The following NFIB variants were observed in gnomAD, a reference collection of about 807,000 sequenced individuals.
The protein encoded by NFIB is nuclear factor 1 B-type.
Under a neutral mutation model 61.5 loss-of-function variants are expected in NFIB, and 11 were observed. That is an observed-to-expected ratio of 0.18 (90% confidence interval 0.11 to 0.30). The LOEUF is 0.30. NFIB is among the 10% of genes least tolerant of loss of function. The pLI is 1.00. For synonymous variants in NFIB, 260 were observed against 216.5 expected, an observed-to-expected ratio of 1.20 and a Z score of -1.76; for missense variants, 471 against 608.9, an observed-to-expected ratio of 0.77 and a Z score of 2.38.
intron 2 of NFIB, among the ~76,000 whole-genome samples, chr9:14,278,783 C>T (rs1019964593): frequency 7.2e-5 from 11 of 152,152 alleles, no homozygotes; most frequent in African/African-American, 2.7e-4. Context: ...AAAATAATTC[C>T]AGTCAGAGCA....
chr9:14,188,462 T>C (rs1026450337), intron 2 of NFIB, among the ~76,000 whole-genome samples: 2 of 152,216 alleles, frequency 1.3e-5, no homozygotes, highest in Non-Finnish European at 1.5e-5. Flanking sequence ...GAAATAGCTC[T>C]CGCACTAGAG....
intron 2 of NFIB, among the ~76,000 whole-genome samples, chr9:14,298,943 C>G (rs2132628397): frequency 6.6e-6 from 1 of 152,290 alleles, no homozygotes; most frequent in African/African-American, 2.4e-5. Flanking sequence ...TGAGACCGAC[C>G]TCATAAAACA....
chr9:14,304,263 G>A (rs1005707014), intron 2 of NFIB, among the ~76,000 whole-genome samples: 4 of 152,156 alleles, frequency 2.6e-5, no homozygotes, highest in Non-Finnish European at 4.4e-5. Context: ...TGAACCAAAA[G>A]AGAAAGAGGG....
chr9:14,356,746 A>G (rs1588361553), intron 1 of NFIB, among the ~76,000 whole-genome samples: 1 of 152,230 alleles, frequency 6.6e-6, no homozygotes, highest in Admixed American at 6.5e-5. Context: ...GGTGATCCTG[A>G]GCACTTAATT....
chr9:14,529,487 G>C, the NFIB span, among the ~76,000 whole-genome samples: 1 of 152,120 alleles, frequency 6.6e-6, no homozygotes, highest in African/African-American at 2.4e-5. Context: ...GAGTTTGTAA[G>C]AACCTTAAAA....
chr9:14,471,256 G>A, the NFIB span, among the ~76,000 whole-genome samples: 5 of 152,162 alleles, frequency 3.3e-5, no homozygotes, highest in African/African-American at 9.7e-5. Flanking sequence ...CTGATGTTAC[G>A]CATGTAGGAC....
chr9:14,232,309 G>C (rs1302313661), intron 2 of NFIB, among the ~76,000 whole-genome samples: 2 of 152,074 alleles, frequency 1.3e-5, no homozygotes, highest in Admixed American at 1.3e-4. Flanking sequence ...ATCTGCTTAG[G>C]GATTACGACC....
intron 3 of NFIB, among the ~76,000 whole-genome samples, chr9:14,179,109 G>A (rs959104400): frequency 1.3e-5 from 2 of 151,960 alleles, no homozygotes; most frequent in African/African-American, 4.8e-5. Flanking sequence ...AATGTTGTAT[G>A]TTCAGAGCTA....
chr9:14,490,679 G>A, the NFIB span, among the ~76,000 whole-genome samples: 1 of 152,144 alleles, frequency 6.6e-6, no homozygotes, highest in Non-Finnish European at 1.5e-5. Flanking sequence ...TGTGAAGGTT[G>A]AATATACATA....
intron 2 of NFIB, among the ~76,000 whole-genome samples, chr9:14,239,430 A>G (rs544166857): frequency 1.4e-3 from 214 of 152,344 alleles, no homozygotes; most frequent in Non-Finnish European, 2.5e-3. Flanking sequence ...CCTTCAGGAA[A>G]AAGTGCAGGA....
At chr9:14,438,957 C>T in the NFIB span, among the ~76,000 whole-genome samples, 1 of 151,992 alleles carries the variant, frequency 6.6e-6, no homozygotes, top group Non-Finnish European at 1.5e-5. Flanking sequence ...TTTTCTCTTA[C>T]CATCACATTA....
the NFIB span, among the ~76,000 whole-genome samples, chr9:14,517,981 T>C: frequency 0.24 from 36,309 of 152,170 alleles, 4,694 homozygotes; most frequent in East Asian, 0.4. Context: ...AAAAGACTTA[T>C]TGCATTGTCT....
the NFIB span, among the ~76,000 whole-genome samples, chr9:14,468,659 C>G: frequency 6.6e-6 from 1 of 152,174 alleles, no homozygotes; most frequent in African/African-American, 2.4e-5. Flanking sequence ...AAGATGCTGG[C>G]AGGAACTGGA....
At chr9:14,444,470 A>T in the NFIB span, among the ~76,000 whole-genome samples, 1 of 152,242 alleles carries the variant, frequency 6.6e-6, no homozygotes. Context: ...AGTCATAAGC[A>T]TAATGGTAAT....
intron 10 of NFIB, among the ~76,000 whole-genome samples, chr9:14,110,265 T>C (rs541654558): frequency 4.6e-5 from 7 of 152,178 alleles, no homozygotes; most frequent in African/African-American, 1.7e-4. Flanking sequence ...TAAAGTTCTT[T>C]TCTAAGAAAA....
intron 5 of NFIB, among the ~76,000 whole-genome samples, chr9:14,148,503 C>G (rs536599209): frequency 6.6e-6 from 1 of 152,200 alleles, no homozygotes; most frequent in East Asian, 1.9e-4. Context: ...CTTTTCGCAG[C>G]AATAATAACC....
At chr9:14,447,699 G>A in the NFIB span, among the ~76,000 whole-genome samples, 2 of 152,140 alleles carry the variant, frequency 1.3e-5, no homozygotes, top group Non-Finnish European at 1.5e-5. Flanking sequence ...CTTTTATTCT[G>A]AGAGTATAAT....
At chr9:14,154,016 A>C (rs572587278) in intron 4 of NFIB, among the ~76,000 whole-genome samples, 4 of 152,300 alleles carry the variant, frequency 2.6e-5, no homozygotes, top group African/African-American at 7.2e-5. Context: ...AAATAACCTA[A>C]AAGTTTCTAG....
At chr9:14,102,402 G>A in intron 10 of NFIB, 2 of 1,538,004 alleles carry the variant, frequency 1.3e-6, no homozygotes, top group Non-Finnish European at 1.8e-6. Flanking sequence ...GTGTAGGGTT[G>A]GAAATAATTA....
Sources: gnomAD v4.1 joint callset for allele counts (sites outside exome capture counted in the v4.1 genomes callset) on GRCh38, gnomAD v4.1.1 for gene constraint, MANE v1.5 for transcripts, NCBI Gene and HGNC (gene_info 2026-07-23, HGNC 2026-07-21) for gene names.